ZKSCAN1: variants seen among roughly 807,000 people sequenced by gnomAD.
The protein encoded by ZKSCAN1 is zinc finger with KRAB and SCAN domains 1, also known as zinc finger protein with KRAB and SCAN domains 1.
ZKSCAN1 carries 14 observed loss-of-function variants against 51.6 expected under a neutral mutation model. The ratio of observed to expected loss-of-function variants is 0.27; its 90% confidence interval spans 0.18 to 0.42. The LOEUF (loss-of-function observed/expected upper bound fraction) is 0.42. Ranked by LOEUF, ZKSCAN1 falls within the 10% of genes least tolerant of loss-of-function variation. The pLI is 1.00. For missense variants in ZKSCAN1, 531 were observed against 710.0 expected, an observed-to-expected ratio of 0.75 and a Z score of 2.86; for synonymous variants, 263 against 261.5, an observed-to-expected ratio of 1.01 and a Z score of -0.06.
At chr7:100,018,326 G>T (rs1380666346) in intron 1 of ZKSCAN1, among the ~76,000 whole-genome samples, 1 of 152,100 alleles carries the variant, frequency 6.6e-6, no homozygotes, top group Non-Finnish European at 1.5e-5. Context: ...GTGGTCTAAG[G>T]AGTACAAAGA....
In ZKSCAN1 at chr7:100,025,318, CA is replaced by C. The variant is rs35796352; in HGVS notation, c.580+1028del. ...GCCTGGGTGACAGAGAGTCTGTTTC[CA>C]AAAAAAAAAAAAAAAACTATAGCAT... On this transcript the variant is annotated intron_variant, in intron 3 of 5. Coordinates refer to ENST00000324306, the MANE Select transcript of ZKSCAN1 (RefSeq NM_003439.4). Among the ~76,000 whole-genome samples the C allele has an allele frequency of 5.3e-3, 555 of 103,874 alleles. 6 individuals carry two copies. The highest frequency in any genetic ancestry group is 0.039 in the South Asian group (131 of 3,348). 68.1% of individuals were successfully genotyped at this position (103,874 alleles called of 152,430 possible).
intron 3 of ZKSCAN1, among the ~76,000 whole-genome samples, chr7:100,027,765 AC>A (rs1448861692): frequency 1.5e-4 from 23 of 150,354 alleles, no homozygotes; most frequent in African/African-American, 5.4e-4. Flanking sequence ...AAAAAAAAAA[AC>A]ACCGGTGCAC....
rs11369732 is a variant in ZKSCAN1 at position 100,036,833 on chromosome 7, GT to G, written c.*2647del. 1.1e-3 allele frequency: 1,000 copies of G among 922,552 alleles called. 11 individuals are homozygous for G. In the African/African-American group the frequency reaches 0.014, roughly 13 times the overall value. 57.1% of individuals were successfully genotyped at this position (922,552 alleles called of 1,614,324 possible). On this transcript the variant is annotated 3_prime_UTR_variant, in exon 6 of 6. Coordinates refer to ENST00000324306, the MANE Select transcript of ZKSCAN1 (RefSeq NM_003439.4). ...TTGGTCATGTTTACATTGGCCTTTG[GT>G]TTTTTTTTTTCTTTCAGCCACAACT...
rs1341096161 is a variant in ZKSCAN1 at position 100,037,337 on chromosome 7, GTATT to G, written c.*3142_*3145del. 1 of 985,380 alleles carries G rather than the reference GTATT, an allele frequency of 1.0e-6. No homozygotes were observed. The highest frequency in any genetic ancestry group is 4.7e-5 in the South Asian group (1 of 21,280). The allele number at this position is 985,380 out of a possible 1,614,324, so 61.0% of individuals were successfully genotyped here. ...AGAAGTAAAATCCTCAGGTTGTGGG[GTATT>G]TGTTTCTACTCCAGCCTGGCAGGCA... On this transcript the variant is annotated 3_prime_UTR_variant, in exon 6 of 6. Transcript: ENST00000324306.
chr7:100,038,704 T>C lies in ZKSCAN1; in HGVS notation c.*4507T>C, dbSNP rs1562833743. ...CTCTTAAATCCTTATGCTTAGAAAA[T>C]TGAGGATAAGGCTGGGCACAGTGGC... On this transcript the variant is annotated 3_prime_UTR_variant, in exon 6 of 6. Coordinates refer to ENST00000324306, the MANE Select transcript of ZKSCAN1 (RefSeq NM_003439.4). 1.0e-6 allele frequency: 1 copy of C among 985,300 alleles called. No homozygotes were observed. The highest frequency in any genetic ancestry group is 1.2e-6 in the Non-Finnish European group (1 of 829,918). 61.0% of individuals were successfully genotyped at this position (985,300 alleles called of 1,614,324 possible). A position where few individuals can be genotyped will look rare whatever the true frequency, so the allele number is the denominator to read the frequency against.
At position 100,023,469 on chromosome 7, in the gene ZKSCAN1, C is replaced by T; in HGVS notation, c.-38C>T. The T allele has an allele frequency of 6.3e-7, 1 of 1,575,128 alleles. No individual in the cohort carries two copies. The highest frequency in any genetic ancestry group is 8.6e-7 in the Non-Finnish European group (1 of 1,162,710). On this transcript the variant is annotated 5_prime_UTR_variant, in exon 2 of 6. Coordinates refer to ENST00000324306, the MANE Select transcript of ZKSCAN1 (RefSeq NM_003439.4). ...ACCTCCCAGGACATAAAGGTGAGCA[C>T]AGACCCTGTTTGGATCAAGTCAGTT...
At position 100,034,263 on chromosome 7, in the gene ZKSCAN1, C is replaced by T; in HGVS notation, c.*66C>T. 1 of 1,496,786 alleles carries T rather than the reference C, an allele frequency of 6.7e-7. No homozygotes were observed. Among genetic ancestry groups the T allele is most frequent in the South Asian group, 1.4e-5 (1 of 72,624 alleles). 92.7% of individuals were successfully genotyped at this position (1,496,786 alleles called of 1,614,324 possible). On this transcript the variant is annotated 3_prime_UTR_variant, in exon 6 of 6. Transcript: ENST00000324306. Reference sequence around the variant, plus strand: ...TAAAATTATTTCAGAGATGTGTGCTCCTGGAGGGAAAAAGAAATACAGCCT... The same window carrying T: ...TAAAATTATTTCAGAGATGTGTGCTTCTGGAGGGAAAAAGAAATACAGCCT...
At position 100,034,122 on chromosome 7, in the gene ZKSCAN1, T is replaced by C. The variant is rs2115942690; in HGVS notation, c.1617T>C (p.His539=). 6.3e-7 allele frequency: 1 copy of C among 1,597,466 alleles called. No individual in the cohort carries two copies. Among genetic ancestry groups the C allele is most frequent in the East Asian group, 2.2e-5 (1 of 44,818 alleles). ...SSTLTLHHRI[H]ARERASEYSP... is the part of the protein sequence containing the mutation. ...CCCTCACTCTGCATCACAGAATCCATGCCAGAGAGAGAGCCTCTGAGTACA... is the reference window on the plus strand; with the variant it reads ...CCCTCACTCTGCATCACAGAATCCACGCCAGAGAGAGAGCCTCTGAGTACA... Residue 539 remains histidine, a synonymous_variant, in exon 6 of 6, where the codon CAT becomes CAC. Coordinates refer to ENST00000324306, the MANE Select transcript of ZKSCAN1 (RefSeq NM_003439.4).
In ZKSCAN1 at chr7:100,037,680, C is replaced by T; in HGVS notation, c.*3483C>T. ...GCTTCAGACAGAAAATGAATTCCGT[C>T]GGTATGTTCCAATCGTGATGAATTT... On this transcript the variant is annotated 3_prime_UTR_variant, in exon 6 of 6. Coordinates refer to ENST00000324306, the MANE Select transcript of ZKSCAN1 (RefSeq NM_003439.4). 6 of 985,418 alleles carry T rather than the reference C, an allele frequency of 6.1e-6. No individual in the cohort carries two copies. The highest frequency in any genetic ancestry group is 7.2e-6 in the Non-Finnish European group (6 of 829,938). The allele number at this position is 985,418 out of a possible 1,614,324, so 61.0% of individuals were successfully genotyped here.
Position 100,037,743 on chromosome 7 carries a change from C to G in ZKSCAN1, c.*3546C>G. The G allele has an allele frequency of 2.0e-6, 2 of 984,994 alleles. No homozygotes were observed. The highest frequency in any genetic ancestry group is 2.4e-6 in the Non-Finnish European group (2 of 829,566). The allele number at this position is 984,994 out of a possible 1,614,324, so 61.0% of individuals were successfully genotyped here. ...AAGAGGGAGCTCAATCTTGGCCGGG[C>G]GCCGTGGCTCACGCCTGTAATCGCA... On this transcript the variant is annotated 3_prime_UTR_variant, in exon 6 of 6. Coordinates refer to ENST00000324306, the MANE Select transcript of ZKSCAN1 (RefSeq NM_003439.4).
At chr7:100,044,618 T>A (rs112461796), downstream of ZKSCAN1, among the ~76,000 whole-genome samples, 3 of 148,774 alleles carry the variant, frequency 2.0e-5, no homozygotes, top group African/African-American at 7.5e-5. Context: ...GAGGTGGAGC[T>A]TGCAATGAGC....
intron 3 of ZKSCAN1, among the ~76,000 whole-genome samples, chr7:100,026,909 T>TA (rs567799272): frequency 6.6e-6 from 1 of 151,928 alleles, no homozygotes; most frequent in Admixed American, 6.6e-5. Flanking sequence ...TTTTTCTAGT[T>TA]AAAAAAATTT....
Position 100,039,729 on chromosome 7 carries a change from C to G in ZKSCAN1, c.*5532C>G. 1 of 985,374 alleles carries G rather than the reference C, an allele frequency of 1.0e-6. No individual in the cohort carries two copies. The allele number at this position is 985,374 out of a possible 1,614,324, so 61.0% of individuals were successfully genotyped here. A position where few individuals can be genotyped will look rare whatever the true frequency, so the allele number is the denominator to read the frequency against. ...CACTTAAACAGTGACAGCAGTACTT[C>G]CCAGGGTGGGGGCCATATTTCTCTG... is the stretch of plus-strand genomic sequence containing the variant. On this transcript the variant is annotated 3_prime_UTR_variant, in exon 6 of 6. Coordinates refer to ENST00000324306, the MANE Select transcript of ZKSCAN1 (RefSeq NM_003439.4).
At position 100,036,058 on chromosome 7, in the gene ZKSCAN1, A is replaced by G. The variant is rs1791349152; in HGVS notation, c.*1861A>G. 1.1e-5 allele frequency: 11 copies of G among 985,330 alleles called. No homozygotes were observed. The highest frequency in any genetic ancestry group is 1.3e-5 in the Non-Finnish European group (11 of 829,948). The allele number at this position is 985,330 out of a possible 1,614,324, so 61.0% of individuals were successfully genotyped here. A position where few individuals can be genotyped will look rare whatever the true frequency, so the allele number is the denominator to read the frequency against. On this transcript the variant is annotated 3_prime_UTR_variant, in exon 6 of 6. Transcript: ENST00000324306. ...TAAAACTATTACTCATCAGTCATTC[A>G]CTGATCAGCAGCTAAAGTCCATGAG...
chr7:100,020,132 T>C (rs895738929), intron 1 of ZKSCAN1, among the ~76,000 whole-genome samples: 10 of 152,178 alleles, frequency 6.6e-5, no homozygotes, highest in Middle Eastern at 3.2e-3. Context: ...CTGTTATAGT[T>C]ATGAGAGGGT....
At chr7:100,024,356 A>G (rs1456532021) in intron 3 of ZKSCAN1, 49 bp downstream of exon 3, 1 of 1,599,748 alleles carries the variant, frequency 6.3e-7, no homozygotes, top group Non-Finnish European at 8.5e-7. Flanking sequence ...TCAGGACGAG[A>G]GTCTTTGTGC....
Position 100,040,313 on chromosome 7 carries a change from A to C in ZKSCAN1, c.*6116A>C. 2 of 985,456 alleles carry C rather than the reference A, an allele frequency of 2.0e-6. No individual in the cohort carries two copies. The highest frequency in any genetic ancestry group is 2.4e-6 in the Non-Finnish European group (2 of 829,940). 61.0% of individuals were successfully genotyped at this position (985,456 alleles called of 1,614,324 possible). On this transcript the variant is annotated 3_prime_UTR_variant, in exon 6 of 6. Transcript: ENST00000324306. Reference sequence around the variant, plus strand: ...GAAACTGGGTGTTTGGTAGACTTCTAAATCATGGTCTCTGACAATTTGAAT... The same window carrying C: ...GAAACTGGGTGTTTGGTAGACTTCTCAATCATGGTCTCTGACAATTTGAAT...
In ZKSCAN1 at chr7:100,038,262, A is replaced by C; in HGVS notation, c.*4065A>C. The stretch of plus-strand genomic sequence containing the variant: ...CAGATACTGTATTTTATTTTAGCCT[A>C]TTTGACAGAACACATCACTCAGAAA... On this transcript the variant is annotated 3_prime_UTR_variant, in exon 6 of 6. Coordinates refer to ENST00000324306, the MANE Select transcript of ZKSCAN1 (RefSeq NM_003439.4). 1 of 985,436 alleles carries C rather than the reference A, an allele frequency of 1.0e-6. No individual in the cohort carries two copies. Among genetic ancestry groups the C allele is most frequent in the East Asian group, 1.1e-4 (1 of 8,820 alleles). 61.0% of individuals were successfully genotyped at this position (985,436 alleles called of 1,614,324 possible).
rs1584343711 is a variant in ZKSCAN1 at position 100,030,333 on chromosome 7, A to G, written c.757A>G (p.Arg253Gly). 1 of 1,614,166 alleles carries G rather than the reference A, an allele frequency of 6.2e-7. No individual in the cohort carries two copies. The highest frequency in any genetic ancestry group is 8.5e-7 in the Non-Finnish European group (1 of 1,180,020). ...GAATCTGGCTCGGAGGAATCTCAGT[A>G]GGGACAACAGGCAGGAGAATTATGG... ...CQNLARRNLSRDNRQENYGSA... is the reference protein window; with the variant it reads ...CQNLARRNLSGDNRQENYGSA... The change falls in exon 5 of 6, where the codon AGG (arginine) becomes GGG (glycine). Residue 253 changes from arginine to glycine, a missense_variant. Arg to Gly is a moderately radical substitution (Grantham distance 125). Coordinates refer to ENST00000324306, the MANE Select transcript of ZKSCAN1 (RefSeq NM_003439.4).
Sources: gnomAD v4.1 joint callset for allele counts (sites outside exome capture counted in the v4.1 genomes callset) on GRCh38, gnomAD v4.1.1 for gene constraint, MANE v1.5 for transcripts, NCBI Gene and HGNC (gene_info 2026-07-23, HGNC 2026-07-21) for gene names.